Variants in ZNF385D observed in about 807,000 individuals in gnomAD.
ZNF385D encodes zinc finger protein 659.
ZNF385D carries 15 observed loss-of-function variants against 35.8 expected under a neutral mutation model. That is an observed-to-expected ratio of 0.42 (90% CI 0.28 to 0.64). ZNF385D has a LOEUF of 0.64. Among genes scored for constraint, ZNF385D ranks in the 30% least tolerant of loss-of-function variants. The pLI is 0.23. For missense variants in ZNF385D, 474 were observed against 494.6 expected (o/e 0.96, Z 0.39); for synonymous variants, 212 against 186.8 (o/e 1.13, Z -1.10).
At chr3:21,816,009 AT>A (rs2073134465) in intron 3 of ZNF385D, among the ~76,000 whole-genome samples, 1 of 152,194 alleles carries the variant, frequency 6.6e-6, no homozygotes, top group Non-Finnish European at 1.5e-5. Flanking sequence ...CATCCCAGGG[AT>A]GCAAGGCGGG....
chr3:21,949,541 C>A (rs1434066547), intron 3 of ZNF385D, among the ~76,000 whole-genome samples: 2 of 73,398 alleles, frequency 2.7e-5, no homozygotes, highest in Non-Finnish European at 5.1e-5. Context: ...TTCTTTCCTT[C>A]TTTTCTTTCT....
At chr3:21,689,797 A>G (rs1172111846) in intron 1 of ZNF385D, among the ~76,000 whole-genome samples, 1 of 151,896 alleles carries the variant, frequency 6.6e-6, no homozygotes, top group African/African-American at 2.4e-5. Flanking sequence ...GGCGATACTG[A>G]TGCTACTGAT....
chr3:22,113,306 A>C (rs1702636351), intron 3 of ZNF385D, among the ~76,000 whole-genome samples: 2 of 152,250 alleles, frequency 1.3e-5, no homozygotes, highest in South Asian at 2.1e-4. Context: ...GTAATGCTGA[A>C]ACACCAAGGA....
At chr3:22,354,784 T>C (rs1298945245) in intron 2 of ZNF385D, among the ~76,000 whole-genome samples, 2 of 152,080 alleles carry the variant, frequency 1.3e-5, no homozygotes, top group Non-Finnish European at 2.9e-5. Flanking sequence ...ATGAGGTCCT[T>C]GGAGTATAAT....
chr3:21,566,826 T>TA (rs1224640220), intron 2 of ZNF385D, among the ~76,000 whole-genome samples: 5 of 152,172 alleles, frequency 3.3e-5, no homozygotes, highest in Non-Finnish European at 7.3e-5. Flanking sequence ...AGTTCCCTCT[T>TA]ACCCCTCTGT....
At chr3:21,637,715 G>C (rs532854184) in intron 2 of ZNF385D, among the ~76,000 whole-genome samples, 1 of 152,202 alleles carries the variant, frequency 6.6e-6, no homozygotes, top group South Asian at 2.1e-4. Context: ...AGAATGTATG[G>C]TCTACAAGGA....
intron 1 of ZNF385D, among the ~76,000 whole-genome samples, chr3:21,678,811 T>C (rs1282485727): frequency 2.0e-5 from 3 of 152,254 alleles, no homozygotes; most frequent in Non-Finnish European, 4.4e-5. Flanking sequence ...TCAAAAGTCA[T>C]TATGCTTTCC....
At chr3:22,319,554 A>C (rs1016409665) in intron 2 of ZNF385D, among the ~76,000 whole-genome samples, 1 of 152,184 alleles carries the variant, frequency 6.6e-6, no homozygotes. Context: ...TAGAATCAAA[A>C]GATGTCTCAT....
chr3:21,653,511 A>G (rs983809153), intron 2 of ZNF385D, among the ~76,000 whole-genome samples: 1 of 152,148 alleles, frequency 6.6e-6, no homozygotes, highest in East Asian at 1.9e-4. Flanking sequence ...GTATACATAT[A>G]CATAGGTATA....
At chr3:21,958,335 T>C (rs1465468359) in intron 3 of ZNF385D, among the ~76,000 whole-genome samples, 1 of 152,262 alleles carries the variant, frequency 6.6e-6, no homozygotes, top group African/African-American at 2.4e-5. Flanking sequence ...CCAGAGCTTA[T>C]ACTTTATTGC....
intron 4 of ZNF385D, among the ~76,000 whole-genome samples, chr3:21,464,082 A>C (rs547773600): frequency 6.6e-6 from 1 of 152,278 alleles, no homozygotes; most frequent in East Asian, 1.9e-4. Context: ...ATAAGCCTTA[A>C]ACTCATTTAA....
chr3:22,335,861 C>T (rs1039501816), intron 2 of ZNF385D, among the ~76,000 whole-genome samples: 2 of 151,966 alleles, frequency 1.3e-5, no homozygotes, highest in South Asian at 4.1e-4. Context: ...TGATAGCCTT[C>T]GTATTGTCTT....
At chr3:21,634,512 C>G (rs921320917) in intron 2 of ZNF385D, among the ~76,000 whole-genome samples, 1 of 151,960 alleles carries the variant, frequency 6.6e-6, no homozygotes, top group African/African-American at 2.4e-5. Flanking sequence ...TGCTACACAT[C>G]TGTTATTTTA....
At chr3:22,021,687 T>G (rs1283016965) in intron 3 of ZNF385D, among the ~76,000 whole-genome samples, 2 of 152,026 alleles carry the variant, frequency 1.3e-5, no homozygotes, top group Non-Finnish European at 2.9e-5. Flanking sequence ...TCAAATCAAC[T>G]AGGGGTACTT....
intron 3 of ZNF385D, among the ~76,000 whole-genome samples, chr3:22,119,538 A>G (rs112381970): frequency 8.2e-4 from 125 of 152,154 alleles, no homozygotes; most frequent in African/African-American, 2.9e-3. Flanking sequence ...TTGATTCCAT[A>G]ATGGCCTTCT....
intron 3 of ZNF385D, among the ~76,000 whole-genome samples, chr3:22,133,241 C>T (rs1471664084): frequency 6.6e-6 from 1 of 152,074 alleles, no homozygotes; most frequent in African/African-American, 2.4e-5. Context: ...CAACATCCTT[C>T]TTTTTTAATT....
intron 1 of ZNF385D, among the ~76,000 whole-genome samples, chr3:21,735,259 G>T (rs2069192549): frequency 6.6e-6 from 1 of 152,114 alleles, no homozygotes; most frequent in Non-Finnish European, 1.5e-5. Flanking sequence ...TCATCTCCTA[G>T]AAGTGTGGTG....
chr3:21,880,170 T>G (rs1698203520), intron 3 of ZNF385D, among the ~76,000 whole-genome samples: 1 of 151,846 alleles, frequency 6.6e-6, no homozygotes, highest in Non-Finnish European at 1.5e-5. Context: ...ATGATTTTGT[T>G]ACAAAAAAAG....
At chr3:22,094,127 T>A (rs1239879771) in intron 3 of ZNF385D, among the ~76,000 whole-genome samples, 1 of 152,028 alleles carries the variant, frequency 6.6e-6, no homozygotes, top group East Asian at 1.9e-4. Context: ...AAAATACGTG[T>A]CATTGCTTTA....
Sources: gnomAD v4.1 joint callset for allele counts (sites outside exome capture counted in the v4.1 genomes callset) on GRCh38, gnomAD v4.1.1 for gene constraint, MANE v1.5 for transcripts, NCBI Gene and HGNC (gene_info 2026-07-23, HGNC 2026-07-21) for gene names.